C8orf88: variants seen among roughly 807,000 people sequenced by gnomAD.
The protein encoded by C8orf88 is uncharacterized protein C8orf88.
In C8orf88, 14 loss-of-function variants were observed where a neutral mutation model predicts 18.4. The ratio of observed to expected loss-of-function variants is 0.76; its 90% CI spans 0.50 to 1.19. C8orf88 has a LOEUF of 1.19. Among genes scored for constraint, C8orf88 ranks in the 50% most tolerant of loss-of-function variants. The pLI is 0.00. For missense variants in C8orf88, 116 were observed against 134.7 expected (o/e 0.86, Z 0.69); for synonymous variants, 45 against 42.9 (o/e 1.05, Z -0.19).
chr8:90,977,711 G>A (rs1383840034), intron 3 of C8orf88, among the ~76,000 whole-genome samples: 4 of 152,142 alleles, frequency 2.6e-5, no homozygotes, highest in African/African-American at 9.7e-5. Context: ...GGAGGCCGAG[G>A]CAGGCAGATC....
intron 2 of C8orf88, 93 bp from the exon 3 acceptor site, chr8:90,978,745 G>T: frequency 1.5e-6 from 1 of 659,442 alleles, no homozygotes; most frequent in Non-Finnish European, 2.4e-6. Flanking sequence ...GATATTCTTG[G>T]CACTGTTTTG....
Position 90,980,459 on chromosome 8 carries a change from A to C in C8orf88, c.-24T>G. On this transcript the variant is annotated splice_region_variant and 5_prime_UTR_variant, in exon 2 of 6. An upstream start codon of the reference 5' UTR is lost. Coordinates refer to ENST00000517562, the MANE Select transcript of C8orf88 (RefSeq NM_001190972.2). ...ATTGTCACAAAGACTTTGAGGTTCC[A>C]TACTAGAAGACAAAAAAATACATTT... 1 of 1,395,832 alleles carries C rather than the reference A, an allele frequency of 7.2e-7. No individual in the cohort carries two copies. The highest frequency in any genetic ancestry group is 1.4e-5 in the African/African-American group (1 of 69,084). The allele number at this position is 1,395,832 out of a possible 1,614,324, so 86.5% of individuals were successfully genotyped here.
intron 4 of C8orf88, among the ~76,000 whole-genome samples, chr8:90,963,852 A>C (rs1170057332): frequency 6.6e-6 from 1 of 151,606 alleles, no homozygotes; most frequent in Non-Finnish European, 1.5e-5. Flanking sequence ...CAAATAAATA[A>C]TGGGAGTCCC....
intron 3 of C8orf88, among the ~76,000 whole-genome samples, chr8:90,975,215 C>T (rs1586164417): frequency 6.6e-6 from 1 of 151,964 alleles, no homozygotes. Flanking sequence ...TGCAAAAGAC[C>T]TAGAATTGTA....
chr8:90,981,175 C>T (rs1201405422), intron 1 of C8orf88, among the ~76,000 whole-genome samples: 1 of 152,068 alleles, frequency 6.6e-6, no homozygotes, highest in Non-Finnish European at 1.5e-5. Flanking sequence ...TTCAACATAT[C>T]TAAAATCTAA....
intron 4 of C8orf88, among the ~76,000 whole-genome samples, chr8:90,966,498 TATA>T (rs34167108): frequency 1.2e-4 from 17 of 140,732 alleles, no homozygotes; most frequent in Admixed American, 2.1e-4. Flanking sequence ...AAACTTAAAG[TATA>T]ATAATAATAA....
In C8orf88 at chr8:90,960,723, A is replaced by G; in HGVS notation, c.330+19T>C. On this transcript the variant is annotated intron_variant, in intron 5 of 5. Transcript: ENST00000517562. ...TTTTGTAATATAATATTACAATACA[A>G]ACTTAGAAAACTACTTACTGGTTTT... 7.1e-7 allele frequency: 1 copy of G among 1,416,538 alleles called. No individual in the cohort carries two copies. The highest frequency in any genetic ancestry group is 2.5e-5 in the East Asian group (1 of 39,858). 87.7% of individuals were successfully genotyped at this position (1,416,538 alleles called of 1,614,324 possible). A position where few individuals can be genotyped will look rare whatever the true frequency, so the allele number is the denominator to read the frequency against.
chr8:90,978,203 A>T (rs1811379924), intron 3 of C8orf88, among the ~76,000 whole-genome samples: 1 of 152,238 alleles, frequency 6.6e-6, no homozygotes, highest in South Asian at 2.1e-4. Context: ...AAAGATGACA[A>T]AATCCTATTT....
chr8:90,968,769 A>C (rs1043682963), intron 4 of C8orf88, among the ~76,000 whole-genome samples: 2 of 148,850 alleles, frequency 1.3e-5, no homozygotes. Flanking sequence ...CTTGCAACTC[A>C]ATAACAAAAC....
chr8:90,981,481 C>G (rs1554580616), intron 1 of C8orf88, among the ~76,000 whole-genome samples: 1 of 152,052 alleles, frequency 6.6e-6, no homozygotes, highest in Non-Finnish European at 1.5e-5. Context: ...AAAATATCCC[C>G]CTGTCTCAAC....
intron 2 of C8orf88, among the ~76,000 whole-genome samples, chr8:90,979,636 A>G (rs958192861): frequency 6.6e-6 from 1 of 152,180 alleles, no homozygotes; most frequent in Non-Finnish European, 1.5e-5. Flanking sequence ...ATATTTTCCC[A>G]TTTATAAGTA....
chr8:90,960,968 A>G (rs754135137), intron 4 of C8orf88, 120 bp from the exon 5 acceptor site: 35 of 442,248 alleles, frequency 7.9e-5, no homozygotes, highest in Non-Finnish European at 1.1e-4. Flanking sequence ...TCGTGTGTCT[A>G]TGCAAAAGAG....
chr8:90,965,243 C>T (rs1409916619), intron 4 of C8orf88, among the ~76,000 whole-genome samples: 2 of 151,498 alleles, frequency 1.3e-5, no homozygotes, highest in South Asian at 2.1e-4. Flanking sequence ...TAACATTAGA[C>T]AAAAATAGAC....
At chr8:90,965,093 G>C (rs892749213) in intron 4 of C8orf88, among the ~76,000 whole-genome samples, 1 of 151,364 alleles carries the variant, frequency 6.6e-6, no homozygotes, top group African/African-American at 2.4e-5. Context: ...TTGGTAGAAT[G>C]AATTTTTAAA....
intron 1 of C8orf88, among the ~76,000 whole-genome samples, chr8:90,980,788 G>A (rs936574148): frequency 6.6e-5 from 10 of 152,080 alleles, no homozygotes; most frequent in Non-Finnish European, 1.2e-4. Context: ...AAGCTCCTGG[G>A]CTCAAGAGAT....
chr8:90,966,501 A>AATG (rs1811200900), intron 4 of C8orf88, among the ~76,000 whole-genome samples: 2 of 146,642 alleles, frequency 1.4e-5, no homozygotes, highest in Admixed American at 1.4e-4. Flanking sequence ...CTTAAAGTAT[A>AATG]ATAATAATAA....
At chr8:90,974,161 CA>C (rs767459648) in intron 3 of C8orf88, among the ~76,000 whole-genome samples, 2 of 152,136 alleles carry the variant, frequency 1.3e-5, no homozygotes, top group Non-Finnish European at 2.9e-5. Context: ...TCACGAGGTA[CA>C]CTCTGTATCT....
At chr8:90,982,122 T>G (rs1811442833) in intron 1 of C8orf88, among the ~76,000 whole-genome samples, 1 of 152,144 alleles carries the variant, frequency 6.6e-6, no homozygotes, top group Non-Finnish European at 1.5e-5. Flanking sequence ...GTACTTCAAG[T>G]TAATACCAAC....
intron 3 of C8orf88, among the ~76,000 whole-genome samples, chr8:90,972,954 G>A (rs966911928): frequency 6.6e-6 from 1 of 152,100 alleles, no homozygotes; most frequent in Non-Finnish European, 1.5e-5. Context: ...GGTGCCAAAT[G>A]TGTAGTAGTG....
Sources: gnomAD v4.1 joint callset for allele counts (sites outside exome capture counted in the v4.1 genomes callset) on GRCh38, gnomAD v4.1.1 for gene constraint, MANE v1.5 for transcripts, NCBI Gene and HGNC (gene_info 2026-07-23, HGNC 2026-07-21) for gene names.